The following DLGAP2 variants were observed in gnomAD, a reference collection of about 807,000 sequenced individuals.
The protein encoded by DLGAP2 is disks large-associated protein 2.
Under a neutral mutation model 100.3 loss-of-function variants are expected in DLGAP2, and 26 were observed. The ratio of observed to expected loss-of-function variants is 0.26; its 90% CI spans 0.19 to 0.36. The LOEUF is 0.36. Among genes scored for constraint, DLGAP2 ranks in the 10% least tolerant of loss-of-function variants. The pLI is 1.00. For missense variants in DLGAP2, 1,858 were observed against 1,453.2 expected, an observed-to-expected ratio of 1.28 and a Z score of -4.53; for synonymous variants, 886 against 630.1, an observed-to-expected ratio of 1.41 and a Z score of -6.08.
intron 3 of DLGAP2, among the ~76,000 whole-genome samples, chr8:1,456,053 C>G (rs1798301965): frequency 5.9e-5 from 9 of 152,242 alleles, no homozygotes; most frequent in Admixed American, 5.9e-4. Context: ...TCTGAGGAAT[C>G]TGTTGTTGGC....
Position 1,706,236 on chromosome 8 carries a change from C to T in DLGAP2, c.*4830C>T, listed in dbSNP as rs960438144. The T allele has an allele frequency of 3.3e-5, 5 of 152,224 alleles. No individual in the cohort carries two copies. The highest frequency in any genetic ancestry group is 7.2e-5 in the African/African-American group (3 of 41,462). The allele number at this position is 152,224 out of a possible 1,614,324, so 9.4% of individuals were successfully genotyped here. ...AACCTGGCTTTTATTCATCCTCAGC[C>T]GGCAACTCATCTCAAGTTTATGTCT... is the stretch of plus-strand genomic sequence containing the variant. On this transcript the variant is annotated 3_prime_UTR_variant, in exon 15 of 15. Coordinates refer to ENST00000637795, the MANE Select transcript of DLGAP2 (RefSeq NM_001346810.2).
At chr8:948,941 G>C (rs62486420) in intron 2 of DLGAP2, among the ~76,000 whole-genome samples, 292 of 150,924 alleles carry the variant, frequency 1.9e-3, no homozygotes, top group Non-Finnish European at 3.0e-3. Context: ...GGACGCCAGG[G>C]TGAGAGCAGG....
rs145340464 is a variant in DLGAP2, at chr8:829,245, T to C, written c.19-78667T>C. On this transcript the variant is annotated intron_variant, in intron 1 of 14. Transcript: ENST00000637795. ...AAAGTGGAGGCAGAATGTGTAAAAA[T>C]AATCAATATTTGCCTGGCTGTTGGA... Among the ~76,000 whole-genome samples the C allele has an allele frequency of 5.3e-5, 8 of 152,310 alleles. No individual in the cohort carries two copies. In the East Asian group the frequency reaches 1.5e-3, roughly 29 times the overall value.
intron 2 of DLGAP2, among the ~76,000 whole-genome samples, chr8:1,168,188 A>G (rs944865030): frequency 2.0e-5 from 3 of 151,856 alleles, no homozygotes; most frequent in African/African-American, 7.3e-5. Context: ...AATTTCATCC[A>G]TGTCCCTAGA....
intron 2 of DLGAP2, among the ~76,000 whole-genome samples, chr8:941,671 T>A (rs552097997): frequency 1.3e-5 from 2 of 152,306 alleles, no homozygotes; most frequent in South Asian, 2.1e-4. Context: ...AGCCATGGTG[T>A]CCTAAGCAGC....
intron 2 of DLGAP2, among the ~76,000 whole-genome samples, chr8:1,010,510 A>T (rs1801250010): frequency 6.6e-6 from 1 of 152,230 alleles, no homozygotes; most frequent in African/African-American, 2.4e-5. Flanking sequence ...ACATATGGGC[A>T]CACATACGCC....
chr8:1,466,123 G>A (rs1239603008), intron 3 of DLGAP2, among the ~76,000 whole-genome samples: 1 of 152,174 alleles, frequency 6.6e-6, no homozygotes, highest in East Asian at 1.9e-4. Context: ...AACCATATTC[G>A]TGTTGGAGCG....
intron 3 of DLGAP2, among the ~76,000 whole-genome samples, chr8:1,294,313 A>G (rs1800123540): frequency 6.6e-6 from 1 of 152,174 alleles, no homozygotes; most frequent in Admixed American, 6.5e-5. Flanking sequence ...AAAAAATGCC[A>G]TGTTCACATT....
chr8:1,580,820 G>T (rs1430133362), intron 6 of DLGAP2, among the ~76,000 whole-genome samples: 2 of 147,624 alleles, frequency 1.4e-5, no homozygotes, highest in Non-Finnish European at 3.0e-5. Context: ...TACCAGAAGT[G>T]AAGGATACAG....
chr8:1,457,746 C>A (rs563123445), intron 3 of DLGAP2, among the ~76,000 whole-genome samples: 1 of 152,008 alleles, frequency 6.6e-6, no homozygotes, highest in African/African-American at 2.4e-5. Context: ...ACACACCTCC[C>A]CCGTCCCACG....
At chr8:1,578,681 G>A (rs540768326) in intron 6 of DLGAP2, among the ~76,000 whole-genome samples, 1 of 152,278 alleles carries the variant, frequency 6.6e-6, no homozygotes, top group African/African-American at 2.4e-5. Flanking sequence ...CACTTAATAT[G>A]CACATCCTAA....
At chr8:1,311,456 C>T (rs868460053) in intron 3 of DLGAP2, among the ~76,000 whole-genome samples, 4 of 152,106 alleles carry the variant, frequency 2.6e-5, no homozygotes, top group African/African-American at 9.7e-5. Flanking sequence ...GGTAGCTGAG[C>T]CCGATAAAAA....
intron 4 of DLGAP2, among the ~76,000 whole-genome samples, chr8:1,521,102 G>A (rs1800580981): frequency 6.6e-6 from 1 of 151,980 alleles, no homozygotes; most frequent in South Asian, 2.1e-4. Flanking sequence ...TCGGGCGGGA[G>A]GTGATATGGG....
At chr8:1,444,721 T>G (rs1263965355) in intron 3 of DLGAP2, among the ~76,000 whole-genome samples, 1 of 151,476 alleles carries the variant, frequency 6.6e-6, no homozygotes, top group Admixed American at 6.6e-5. Context: ...TGCTTACTCC[T>G]GTAGTAGGCA....
In DLGAP2 at chr8:1,316,892, TAG is replaced by T. The variant is rs201688761; in HGVS notation, c.106+58012_106+58013del. On this transcript the variant is annotated intron_variant, in intron 3 of 14. Transcript: ENST00000637795. ...CGAGAAACTCGGCAGCTTTTAAAAA[TAG>T]AGCGTGTGCGAGTGCAGCGTCTCTC... Among the ~76,000 whole-genome samples the T allele has an allele frequency of 1.8e-3, 225 of 128,428 alleles. No homozygotes were observed. The East Asian group carries it at 0.035, about 20-fold the overall frequency. 84.3% of individuals were successfully genotyped at this position (128,428 alleles called of 152,430 possible).
At chr8:1,217,526 A>G (rs1182152471) in intron 2 of DLGAP2, among the ~76,000 whole-genome samples, 1 of 152,086 alleles carries the variant, frequency 6.6e-6, no homozygotes, top group East Asian at 1.9e-4. Context: ...TCTTTGAGAA[A>G]TCTGTAAACT....
chr8:825,444 C>T (rs1796668984), intron 1 of DLGAP2, among the ~76,000 whole-genome samples: 1 of 152,212 alleles, frequency 6.6e-6, no homozygotes, highest in South Asian at 2.1e-4. Context: ...GCCGCACTTC[C>T]TTCCAGCGGT....
chr8:1,002,484 C>T (rs1227052285), intron 2 of DLGAP2: 1 of 152,222 alleles, frequency 6.6e-6, no homozygotes, highest in Non-Finnish European at 1.5e-5. Context: ...TCTGCAGTAA[C>T]TTGTGGAATG....
intron 2 of DLGAP2, among the ~76,000 whole-genome samples, chr8:940,169 C>T (rs527257050): frequency 2.6e-5 from 4 of 152,140 alleles, no homozygotes; most frequent in East Asian, 1.9e-4. Context: ...AGTTTTACTA[C>T]GTATTTGATG....
Sources: allele counts gnomAD v4.1 joint callset (sites outside exome capture counted in the v4.1 genomes callset), GRCh38; gene constraint gnomAD v4.1.1; transcripts MANE v1.5; gene names NCBI Gene and HGNC (gene_info 2026-07-23, HGNC 2026-07-21).